CHD1: variants seen among roughly 807,000 people sequenced by gnomAD.
CHD1 encodes the protein ATP-dependent chromatin remodeler CHD1.
CHD1 carries 36 observed loss-of-function variants against 224.2 expected under a neutral mutation model. That is an observed-to-expected ratio of 0.16 (90% CI 0.12 to 0.21). CHD1 has a LOEUF of 0.21. Ranked by LOEUF, CHD1 falls within the 10% of genes least tolerant of loss-of-function variation. The pLI, the probability that CHD1 is intolerant of heterozygous loss-of-function variation, is 1.00. For synonymous variants in CHD1, 668 were observed against 658.3 expected (o/e 1.01, Z -0.23); for missense variants, 1,378 against 1,994.8 (o/e 0.69, Z 5.89).
chr5:98,892,470 A>G, intron 15 of CHD1, 55 bp downstream of exon 15: 1 of 1,336,504 alleles, frequency 7.5e-7, no homozygotes, highest in Non-Finnish European at 1.0e-6. Flanking sequence ...CAGGACACAG[A>G]CATGGAAGGT....
chr5:98,902,947 T>G lies in CHD1; in HGVS notation c.390A>C (p.Glu130Asp). The change falls in exon 5 of 36, where the codon GAA (glutamate) becomes GAC (aspartate). Residue 130 changes from glutamate to aspartate, a missense_variant. By Grantham distance (45) the Glu-to-Asp change is conservative. This residue lies in a region of CHD1 where 306 missense variants were observed against 298.1 expected (regional missense o/e 1.03). Transcript: ENST00000614616. ...SGSEEDSSSSEDSDDSSSEVK... is the reference protein window; with the variant it reads ...SGSEEDSSSSDDSDDSSSEVK... ...CCTCACTTGATGAGTCATCGGAATC[T>G]TCACTGCTAGAGGAATCCTGTAGAA... is the stretch of plus-strand genomic sequence containing the variant. 6.2e-7 allele frequency: 1 copy of G among 1,601,322 alleles called. No individual in the cohort carries two copies. Among genetic ancestry groups the G allele is most frequent in the Non-Finnish European group, 8.5e-7 (1 of 1,170,322 alleles).
chr5:98,904,710 A>C (rs1230707557), intron 3 of CHD1, among the ~76,000 whole-genome samples, 187 bp downstream of exon 3: 1 of 152,248 alleles, frequency 6.6e-6, no homozygotes, highest in African/African-American at 2.4e-5. Flanking sequence ...TAGTTCGAAA[A>C]TGCATCTATT....
At chr5:98,866,298 TG>T (rs2112476334) in intron 31 of CHD1, among the ~76,000 whole-genome samples, 1 of 152,250 alleles carries the variant, frequency 6.6e-6, no homozygotes, top group South Asian at 2.1e-4. Flanking sequence ...TCCCAGTGAC[TG>T]GAAGAATGTC....
intron 29 of CHD1, 121 bp from the exon 30 acceptor site, chr5:98,870,003 A>G: frequency 1.5e-6 from 1 of 667,700 alleles, no homozygotes; most frequent in Non-Finnish European, 2.5e-6. Flanking sequence ...ATTGGTAATA[A>G]GCTGTACCAA....
At chr5:98,899,251 T>C (rs1751535554) in intron 8 of CHD1, among the ~76,000 whole-genome samples, 1 of 152,178 alleles carries the variant, frequency 6.6e-6, no homozygotes, top group Non-Finnish European at 1.5e-5. Context: ...TGTTACATGG[T>C]ATTGTTTTTA....
intron 17 of CHD1, among the ~76,000 whole-genome samples, chr5:98,887,311 A>C (rs1257881684): frequency 6.6e-6 from 1 of 152,134 alleles, no homozygotes; most frequent in Non-Finnish European, 1.5e-5. Flanking sequence ...ATTTATTTGT[A>C]ATCACCTGCT....
At chr5:98,859,052 G>C in intron 33 of CHD1, 37 bp from the exon 34 acceptor site, 1 of 1,504,762 alleles carries the variant, frequency 6.6e-7, no homozygotes, top group Non-Finnish European at 9.0e-7. Context: ...ATCTTTAGGT[G>C]ACTTCACAAA....
In CHD1 at chr5:98,901,349, TTA is replaced by T. The variant is rs763519410; in HGVS notation, c.438-16_438-15del. ...TGCCAATCTTCACTGCAGACAAAAT[TTA>T]TAAAGTATTTTTATTTGTACTTATA... On this transcript the variant is annotated splice_polypyrimidine_tract_variant and intron_variant, in intron 5 of 35. Transcript: ENST00000614616. 1 of 1,589,396 alleles carries T rather than the reference TTA, an allele frequency of 6.3e-7. No homozygotes were observed.
intron 35 of CHD1, among the ~76,000 whole-genome samples, chr5:98,857,852 T>C (rs1219846988): frequency 5.3e-5 from 8 of 152,078 alleles, no homozygotes; most frequent in Non-Finnish European, 1.2e-4. Flanking sequence ...TATATCAAGC[T>C]TTTATCCCAC....
At chr5:98,880,942 CAA>C (rs1750129599) in intron 22 of CHD1, 132 bp downstream of exon 22, 1 of 663,008 alleles carries the variant, frequency 1.5e-6, no homozygotes, top group Admixed American at 3.0e-5. Flanking sequence ...TTTGTCTGAA[CAA>C]GAGAGAGTAG....
chr5:98,900,582 G>T (rs1322344057), intron 7 of CHD1, among the ~76,000 whole-genome samples: 3 of 151,688 alleles, frequency 2.0e-5, no homozygotes, highest in African/African-American at 7.3e-5. Context: ...TGGGACTACA[G>T]GTGCGCACCA....
intron 2 of CHD1, among the ~76,000 whole-genome samples, chr5:98,924,353 A>G (rs1753309427): frequency 6.6e-6 from 1 of 152,262 alleles, no homozygotes; most frequent in Admixed American, 6.5e-5. Flanking sequence ...TTTGAATCAA[A>G]GCTCAGATTC....
intron 2 of CHD1, among the ~76,000 whole-genome samples, chr5:98,918,769 C>A (rs56329651): frequency 0.061 from 8,141 of 134,500 alleles, 868 homozygotes; most frequent in African/African-American, 0.21. Context: ...AAAAAAAAAA[C>A]AAAAAAAAAA....
At chr5:98,857,460 C>T (rs330419) in intron 35 of CHD1, among the ~76,000 whole-genome samples, 48,791 of 151,820 alleles carry the variant, frequency 0.32, 9,502 homozygotes, top group African/African-American at 0.54. Context: ...GTTCATAGTG[C>T]TGACAGAGGT....
At chr5:98,903,686 C>A in intron 4 of CHD1, 106 bp downstream of exon 4, 1 of 848,504 alleles carries the variant, frequency 1.2e-6, no homozygotes, top group Non-Finnish European at 2.0e-6. Context: ...GTATTTCCTA[C>A]TTATTCTTTC....
intron 30 of CHD1, chr5:98,868,914 G>C (rs1408442921): frequency 1.8e-6 from 1 of 559,462 alleles, no homozygotes; most frequent in Non-Finnish European, 2.4e-6. Flanking sequence ...GAAGAACTCA[G>C]TTATTGAGAC....
chr5:98,924,980 A>G (rs898319667), intron 2 of CHD1, among the ~76,000 whole-genome samples: 1 of 151,476 alleles, frequency 6.6e-6, no homozygotes, highest in Middle Eastern at 3.4e-3. Context: ...TCTGTCTCAA[A>G]AAAAAAAAAA....
chr5:98,901,377 T>C (rs760043321), intron 5 of CHD1, 42 bp from the exon 6 acceptor site: 9 of 1,525,082 alleles, frequency 5.9e-6, no homozygotes, highest in Non-Finnish European at 8.0e-6. Flanking sequence ...TGTACTTATA[T>C]GGCAAGTTTT....
At chr5:98,883,043 AG>A (rs1340981045) in intron 19 of CHD1, 44 bp downstream of exon 19, 2 of 1,193,328 alleles carry the variant, frequency 1.7e-6, no homozygotes. Context: ...AAAAAAAAAA[AG>A]AATTCTAAAA....
Sources: gnomAD v4.1 joint callset for allele counts (sites outside exome capture counted in the v4.1 genomes callset) on GRCh38, gnomAD v4.1.1 for gene constraint, gnomAD v4.1.1 regional missense constraint, MANE v1.5 for transcripts, NCBI Gene and HGNC (gene_info 2026-07-23, HGNC 2026-07-21) for gene names.